Variants in LOC400499 observed in about 807,000 individuals in gnomAD.
At chr16:11,477,308 A>G in the LOC400499 span, among the ~76,000 whole-genome samples, 1 of 152,212 alleles carries the variant, frequency 6.6e-6, no homozygotes, top group Non-Finnish European at 1.5e-5. Flanking sequence ...TCAGGGCCCA[A>G]GGACAGCTCA....
the LOC400499 span, among the ~76,000 whole-genome samples, chr16:11,487,672 G>C: frequency 6.6e-6 from 1 of 152,206 alleles, no homozygotes; most frequent in Non-Finnish European, 1.5e-5. Flanking sequence ...TGGAGCCTTA[G>C]GTTGAAAGAG....
chr16:11,434,721 G>C, the LOC400499 span, among the ~76,000 whole-genome samples: 2 of 152,180 alleles, frequency 1.3e-5, no homozygotes, highest in African/African-American at 2.4e-5. Flanking sequence ...TTCAAATGCA[G>C]GGCTCAGTTC....
At chr16:11,472,378 A>C in the LOC400499 span, 1 of 152,228 alleles carries the variant, frequency 6.6e-6, no homozygotes, top group African/African-American at 2.4e-5. Context: ...TTTTTAGTAA[A>C]GATGGGGTTT....
At chr16:11,498,707 C>G in the LOC400499 span, among the ~76,000 whole-genome samples, 2 of 151,840 alleles carry the variant, frequency 1.3e-5, no homozygotes, top group East Asian at 2.0e-4. Context: ...GAGGCATGAG[C>G]TCTGGCCTGC....
At chr16:11,409,597 C>A in the LOC400499 span, among the ~76,000 whole-genome samples, 2 of 152,194 alleles carry the variant, frequency 1.3e-5, no homozygotes, top group Admixed American at 6.5e-5. Context: ...GCTGCGTGAT[C>A]TTGGCCTGCA....
At chr16:11,483,897 C>A in the LOC400499 span, among the ~76,000 whole-genome samples, 1 of 146,326 alleles carries the variant, frequency 6.8e-6, no homozygotes, top group Non-Finnish European at 1.5e-5. Context: ...GCTGTGTGAT[C>A]TAATTTACAT....
chr16:11,462,299 C>A, the LOC400499 span: 1 of 1,487,406 alleles, frequency 6.7e-7, no homozygotes, highest in Non-Finnish European at 8.9e-7. Context: ...CAGGTCACTC[C>A]AGCCCTGAAA....
At chr16:11,412,990 C>A in the LOC400499 span, 1 of 399,322 alleles carries the variant, frequency 2.5e-6, no homozygotes, top group Non-Finnish European at 4.4e-6. Flanking sequence ...TGTGGGTGTA[C>A]ATAGCCTGAG....
At chr16:11,426,979 TAA>T in the LOC400499 span, among the ~76,000 whole-genome samples, 1 of 144,132 alleles carries the variant, frequency 6.9e-6, no homozygotes, top group African/African-American at 2.7e-5. Flanking sequence ...TACAAATCAA[TAA>T]AAGACAAACA....
At chr16:11,410,695 C>T in the LOC400499 span, among the ~76,000 whole-genome samples, 2 of 91,834 alleles carry the variant, frequency 2.2e-5, no homozygotes, top group East Asian at 5.4e-4. Flanking sequence ...ATGCACTCAC[C>T]TATTCATGCC....
chr16:11,501,789 G>C, the LOC400499 span, among the ~76,000 whole-genome samples: 1 of 152,044 alleles, frequency 6.6e-6, no homozygotes, highest in African/African-American at 2.4e-5. Flanking sequence ...CCAGCAAGAG[G>C]GTCCCTGTCT....
chr16:11,401,413 AG>A, the LOC400499 span: 1 of 399,460 alleles, frequency 2.5e-6, no homozygotes, highest in Admixed American at 4.4e-5. Flanking sequence ...GCACCTAGGG[AG>A]GGAGACAGAC....
chr16:11,457,620 G>A, the LOC400499 span, among the ~76,000 whole-genome samples: 3 of 149,408 alleles, frequency 2.0e-5, no homozygotes, highest in African/African-American at 7.4e-5. Flanking sequence ...ATTAAAGATC[G>A]AATTACCATA....
At chr16:11,418,337 G>C in the LOC400499 span, among the ~76,000 whole-genome samples, 1 of 152,128 alleles carries the variant, frequency 6.6e-6, no homozygotes, top group East Asian at 1.9e-4. Flanking sequence ...GTCACGGGAC[G>C]ACATAGGAGG....
chr16:11,511,015 T>C, the LOC400499 span, among the ~76,000 whole-genome samples: 4 of 150,846 alleles, frequency 2.7e-5, no homozygotes, highest in African/African-American at 9.8e-5. Context: ...TTTTTTTTTT[T>C]CAGAAGGGGT....
the LOC400499 span, chr16:11,384,287 C>T: frequency 8.1e-7 from 1 of 1,232,442 alleles, no homozygotes; most frequent in South Asian, 4.1e-5. Context: ...TCATTGCCTG[C>T]TTCATTGTCA....
chr16:11,389,009 C>T, the LOC400499 span, among the ~76,000 whole-genome samples: 3 of 152,208 alleles, frequency 2.0e-5, no homozygotes, highest in East Asian at 5.8e-4. Context: ...ATCCCTTGAA[C>T]TTGGGAGGCA....
At chr16:11,515,495 A>ATACG in the LOC400499 span, among the ~76,000 whole-genome samples, 33 of 151,322 alleles carry the variant, frequency 2.2e-4, no homozygotes, top group African/African-American at 7.6e-4. Flanking sequence ...ACATACATAC[A>ATACG]TACGTACGTA....
the LOC400499 span, among the ~76,000 whole-genome samples, chr16:11,483,853 T>G: frequency 1.3e-5 from 2 of 151,826 alleles, no homozygotes; most frequent in African/African-American, 4.8e-5. Flanking sequence ...CCAGCTTGGG[T>G]GACAGAGTGA....
Sources: allele counts gnomAD v4.1 joint callset (sites outside exome capture counted in the v4.1 genomes callset), GRCh38; gene constraint gnomAD v4.1.1; transcripts MANE v1.5.